The following ARHGEF9 variants were observed in gnomAD, a reference collection of about 807,000 sequenced individuals.
ARHGEF9 encodes the protein Cdc42 guanine nucleotide exchange factor 9, also known as rho guanine nucleotide exchange factor 9.
In ARHGEF9, 2 loss-of-function variants were observed where a neutral mutation model predicts 41.3. The ratio of observed to expected loss-of-function variants is 0.05; its 90% CI spans 0.02 to 0.15. The LOEUF (loss-of-function observed/expected upper bound fraction) is 0.15, where lower values mean the gene tolerates loss of function less well. Among genes scored for constraint, ARHGEF9 ranks in the 10% least tolerant of loss-of-function variants. ARHGEF9 has a pLI of 1.00. For missense variants in ARHGEF9, 225 were observed against 424.7 expected (o/e 0.53, Z 4.13); for synonymous variants, 160 against 154.4 (o/e 1.04, Z -0.27).
intron 2 of ARHGEF9, among the ~76,000 whole-genome samples, chrX:63,718,512 A>C (rs782444283): frequency 6.3e-5 from 7 of 110,385 alleles, no homozygotes; most frequent in Non-Finnish European, 1.3e-4. Flanking sequence ...GGTTGATTAC[A>C]CAGAGAAAAA....
chrX:63,772,325 C>T (rs2056218909), intron 1 of ARHGEF9, among the ~76,000 whole-genome samples: 2 of 111,962 alleles, frequency 1.8e-5, no homozygotes, highest in South Asian at 7.4e-4. Context: ...ATTTTTGCAG[C>T]AGCCACTCAA....
intron 8 of ARHGEF9, 90 bp from the exon 9 acceptor site, chrX:63,644,138 T>C: frequency 1.7e-6 from 1 of 602,051 alleles, no homozygotes; most frequent in East Asian, 3.7e-5. Flanking sequence ...AAGAAAGATT[T>C]GCTAAGACAT....
At chrX:63,740,876 G>A (rs1431140504) in intron 1 of ARHGEF9, among the ~76,000 whole-genome samples, 1 of 111,534 alleles carries the variant, frequency 9.0e-6, no homozygotes, top group Non-Finnish European at 1.9e-5. Flanking sequence ...TCATTAGTGG[G>A]GCCAGATGAC....
chrX:63,655,812 AGAATGCTAACACT>A (rs1204939862), intron 7 of ARHGEF9, 75 bp from the exon 8 acceptor site: 41 of 1,149,743 alleles, frequency 3.6e-5, no homozygotes, highest in Non-Finnish European at 4.1e-5. Context: ...GGGGCACAGC[AGAATGCTAACACT>A]GTCACCGTTT....
intron 7 of ARHGEF9, among the ~76,000 whole-genome samples, chrX:63,658,822 C>A (rs1964064781): frequency 8.9e-6 from 1 of 112,037 alleles, no homozygotes; most frequent in Non-Finnish European, 1.9e-5. Context: ...GCCCCACTGT[C>A]CCTGGAAATT....
intron 8 of ARHGEF9, among the ~76,000 whole-genome samples, chrX:63,651,925 AC>A (rs2048570956): frequency 9.0e-6 from 1 of 111,081 alleles, no homozygotes; most frequent in Admixed American, 9.6e-5. Flanking sequence ...AGGTTCCAAC[AC>A]TTTTTTTCAA....
intron 8 of ARHGEF9, among the ~76,000 whole-genome samples, chrX:63,646,021 T>C (rs1473359219): frequency 8.9e-6 from 1 of 112,027 alleles, no homozygotes; most frequent in African/African-American, 3.2e-5. Context: ...GCTGCATAAA[T>C]GTCTTCTTTT....
At chrX:63,648,023 T>C (rs1489999301) in intron 8 of ARHGEF9, among the ~76,000 whole-genome samples, 1 of 111,485 alleles carries the variant, frequency 9.0e-6, no homozygotes. Flanking sequence ...TGGAAAACAC[T>C]CTGCAGGATA....
chrX:63,733,702 C>T (rs1337945436), intron 1 of ARHGEF9, among the ~76,000 whole-genome samples: 1 of 111,890 alleles, frequency 8.9e-6, no homozygotes, highest in Admixed American at 9.5e-5. Context: ...CTTCAATATC[C>T]CATTATACTA....
chrX:63,748,193 TC>T (rs1462299177), intron 1 of ARHGEF9, among the ~76,000 whole-genome samples: 1 of 111,746 alleles, frequency 8.9e-6, no homozygotes, highest in African/African-American at 3.3e-5. Flanking sequence ...AATTAACAAG[TC>T]CCAACTCCAA....
chrX:63,646,895 T>C (rs1265589783), intron 8 of ARHGEF9, among the ~76,000 whole-genome samples: 1 of 111,598 alleles, frequency 9.0e-6, no homozygotes, highest in African/African-American at 3.3e-5. Context: ...TTGTATCCTC[T>C]TTTATTTCAT....
chrX:63,744,766 G>A (rs1287681468), intron 1 of ARHGEF9, among the ~76,000 whole-genome samples: 5 of 112,200 alleles, frequency 4.5e-5, no homozygotes, highest in Non-Finnish European at 9.4e-5. Context: ...CAAGTAGAGT[G>A]TAAGTCTTCC....
Position 63,754,902 on chromosome X carries a change from A to C in ARHGEF9, c.31-30191T>G. 5 of 939,754 alleles carry C rather than the reference A, an allele frequency of 5.3e-6. No homozygotes were observed. The East Asian group carries it at 2.1e-4, about 39-fold the overall frequency. The allele number at this position is 939,754 out of a possible 1,213,427, so 77.4% of individuals were successfully genotyped here. A position where few individuals can be genotyped will look rare whatever the true frequency, so the allele number is the denominator to read the frequency against. ...GGAAAGGCAAAATCCTAGCTTTCAA[A>C]GGGAAAGGCGGGGGGAACCTGTGAG... is the stretch of plus-strand genomic sequence containing the variant. On this transcript the variant is annotated intron_variant, in intron 1 of 9. Coordinates refer to ENST00000671741, the MANE Select transcript of ARHGEF9 (RefSeq NM_001353921.2).
intron 4 of ARHGEF9, among the ~76,000 whole-genome samples, chrX:63,694,853 TG>T (rs1277737030): frequency 1.8e-5 from 2 of 112,114 alleles, no homozygotes; most frequent in Non-Finnish European, 3.8e-5. Context: ...TGAATCTTAT[TG>T]TATGTAAATT....
At chrX:63,666,487 C>CACACACACAT (rs1490998175) in intron 6 of ARHGEF9, among the ~76,000 whole-genome samples, 28 of 104,543 alleles carry the variant, frequency 2.7e-4, no homozygotes, top group Middle Eastern at 9.6e-3. Context: ...CACACACACA[C>CACACACACAT]ATATATATAT....
chrX:63,732,921 T>C (rs1248758211), intron 1 of ARHGEF9, among the ~76,000 whole-genome samples: 1 of 111,903 alleles, frequency 8.9e-6, no homozygotes, highest in African/African-American at 3.2e-5. Context: ...TGTGTGATTG[T>C]GGCCGACCTA....
At chrX:63,760,875 C>T (rs2056022511) in intron 1 of ARHGEF9, among the ~76,000 whole-genome samples, 2 of 111,979 alleles carry the variant, frequency 1.8e-5, no homozygotes, top group South Asian at 3.7e-4. Flanking sequence ...TTGCCCATAA[C>T]CATACAAGTT....
intron 4 of ARHGEF9, among the ~76,000 whole-genome samples, chrX:63,694,504 G>C (rs2051601284): frequency 8.9e-6 from 1 of 112,539 alleles, no homozygotes; most frequent in Admixed American, 9.4e-5. Flanking sequence ...ATGCAATGGA[G>C]TGCTACTAAG....
At chrX:63,764,264 T>C (rs1190527470) in intron 1 of ARHGEF9, among the ~76,000 whole-genome samples, 1 of 112,426 alleles carries the variant, frequency 8.9e-6, no homozygotes, top group Non-Finnish European at 1.9e-5. Flanking sequence ...AAAACCACAA[T>C]GACATACCAT....
Sources: allele counts gnomAD v4.1 joint callset (sites outside exome capture counted in the v4.1 genomes callset), GRCh38; gene constraint gnomAD v4.1.1; transcripts MANE v1.5; gene names NCBI Gene and HGNC (gene_info 2026-07-23, HGNC 2026-07-21).